DIAPH3: variants seen among roughly 807,000 people sequenced by gnomAD.
DIAPH3 encodes the protein protein diaphanous homolog 3.
Under a neutral mutation model 144.3 loss-of-function variants are expected in DIAPH3, and 117 were observed. The ratio of observed to expected loss-of-function variants is 0.81; its 90% CI spans 0.70 to 0.95. The LOEUF is 0.95. DIAPH3 is among the 40% of genes least tolerant of loss of function. The pLI, the probability that DIAPH3 is intolerant of heterozygous loss-of-function variation, is 0.00. For synonymous variants in DIAPH3, 519 were observed against 488.9 expected (o/e 1.06, Z -0.81); for missense variants, 1,421 against 1,412.7 (o/e 1.01, Z -0.09).
rs189963010 is a variant in DIAPH3, at chr13:59,714,188, G to A, written c.3320-47342C>T. 1.2e-3 allele frequency among the ~76,000 whole-genome samples: 182 copies of A among 151,602 alleles called. 2 individuals carry two copies. Among genetic ancestry groups the A allele is most frequent in the Non-Finnish European group, 2.0e-3 (138 of 67,882 alleles). Reference sequence around the variant, plus strand: ...ATCCCGGCTAACACGGTGAAACCCCGTCTCTACTAAAAATACAAAAAATTA... The same window carrying A: ...ATCCCGGCTAACACGGTGAAACCCCATCTCTACTAAAAATACAAAAAATTA... On this transcript the variant is annotated intron_variant, in intron 27 of 27. Transcript: ENST00000400324.
At chr13:59,743,572 G>A (rs888189762) in intron 27 of DIAPH3, among the ~76,000 whole-genome samples, 1 of 152,120 alleles carries the variant, frequency 6.6e-6, no homozygotes, top group African/African-American at 2.4e-5. Flanking sequence ...GAACGGCCAA[G>A]AAAAGTGCAA....
intron 25 of DIAPH3, among the ~76,000 whole-genome samples, chr13:59,807,765 G>T (rs759740242): frequency 6.6e-6 from 1 of 151,848 alleles, no homozygotes; most frequent in Non-Finnish European, 1.5e-5. Flanking sequence ...AATCCAATAG[G>T]TCAAATAAGA....
At chr13:60,077,437 A>G (rs1756626882) in intron 4 of DIAPH3, among the ~76,000 whole-genome samples, 1 of 152,108 alleles carries the variant, frequency 6.6e-6, no homozygotes, top group African/African-American at 2.4e-5. Context: ...AGATAATATG[A>G]GCCTCCCAGT....
chr13:60,138,771 GAGAAGGAGA>G (rs796491502), intron 1 of DIAPH3, among the ~76,000 whole-genome samples: 3 of 90,632 alleles, frequency 3.3e-5, no homozygotes, highest in Admixed American at 1.7e-4. Context: ...GAAGGAGAAG[GAGAAGGAGA>G]AGAAGGGGAA....
At chr13:59,876,804 A>G (rs2044658024) in intron 21 of DIAPH3, among the ~76,000 whole-genome samples, 1 of 152,152 alleles carries the variant, frequency 6.6e-6, no homozygotes, top group African/African-American at 2.4e-5. Context: ...TTGCACGAGG[A>G]AACAGACTGT....
rs1422601195 is a variant in DIAPH3 at position 60,105,109 on chromosome 13, A to AAACAAAAAAC, written c.390+6900_390+6901insGTTTTTTGTT. On this transcript the variant is annotated intron_variant, in intron 3 of 27. Coordinates refer to ENST00000400324, the MANE Select transcript of DIAPH3 (RefSeq NM_001042517.2). The stretch of plus-strand genomic sequence containing the variant: ...AGTGAGACACGATCTCAAAAAAAAA[A>AAACAAAAAAC]AAAAAAAAAAAAAAAACTGCCAGTG... 8.9e-5 allele frequency among the ~76,000 whole-genome samples: 11 copies of AAACAAAAAAC among 124,180 alleles called. 1 individual carries two copies. Among genetic ancestry groups the AAACAAAAAAC allele is most frequent in the African/African-American group, 3.5e-4 (11 of 31,372 alleles). The allele number at this position is 124,180 out of a possible 152,430, so 81.5% of individuals were successfully genotyped here. A position where few individuals can be genotyped will look rare whatever the true frequency, so the allele number is the denominator to read the frequency against.
chr13:60,028,404 G>A (rs139326246), intron 5 of DIAPH3, among the ~76,000 whole-genome samples: 220 of 151,906 alleles, frequency 1.4e-3, no homozygotes, highest in African/African-American at 4.9e-3. Flanking sequence ...ATAGCAGCAC[G>A]CTATGCAGTT....
At chr13:59,987,511 CAA>C (rs34211050) in intron 12 of DIAPH3, among the ~76,000 whole-genome samples, 34 of 127,698 alleles carry the variant, frequency 2.7e-4, no homozygotes, top group South Asian at 5.1e-4. Context: ...AAGACCAAAC[CAA>C]AAAAAAAAAA....
At chr13:60,008,341 A>G (rs1446739434) in intron 9 of DIAPH3, among the ~76,000 whole-genome samples, 1 of 152,184 alleles carries the variant, frequency 6.6e-6, no homozygotes, top group Non-Finnish European at 1.5e-5. Flanking sequence ...GCTTTCAGTG[A>G]GCTGAGAACG....
intron 4 of DIAPH3, among the ~76,000 whole-genome samples, chr13:60,085,469 A>G (rs2057716628): frequency 6.6e-6 from 1 of 152,128 alleles, no homozygotes; most frequent in Admixed American, 6.5e-5. Flanking sequence ...GCTGTATCCT[A>G]GAATCACCAG....
intron 9 of DIAPH3, among the ~76,000 whole-genome samples, chr13:60,003,545 CTATA>C (rs1274343233): frequency 1.3e-5 from 2 of 149,256 alleles, no homozygotes; most frequent in African/African-American, 2.5e-5. Context: ...ATCTATCTAT[CTATA>C]TATAGATAGA....
intron 20 of DIAPH3, among the ~76,000 whole-genome samples, chr13:59,897,534 G>A (rs1314428658): frequency 3.3e-5 from 5 of 151,912 alleles, no homozygotes; most frequent in Non-Finnish European, 2.9e-5. Context: ...CGGATCACAA[G>A]GTCAGGAGTT....
At chr13:59,687,519 T>C (rs927897656) in intron 27 of DIAPH3, among the ~76,000 whole-genome samples, 29 of 152,070 alleles carry the variant, frequency 1.9e-4, no homozygotes, top group African/African-American at 6.8e-4. Flanking sequence ...TTGGAATTTA[T>C]AGGAAGAAAG....
At chr13:59,700,109 C>T (rs1447602536) in intron 27 of DIAPH3, among the ~76,000 whole-genome samples, 1 of 152,200 alleles carries the variant, frequency 6.6e-6, no homozygotes, top group Non-Finnish European at 1.5e-5. Flanking sequence ...CTTCTCTTTA[C>T]ATTCCCCATT....
At chr13:59,963,098 C>T (rs2049854011) in intron 17 of DIAPH3, among the ~76,000 whole-genome samples, 1 of 152,082 alleles carries the variant, frequency 6.6e-6, no homozygotes, top group Non-Finnish European at 1.5e-5. Flanking sequence ...GATTTTGAAA[C>T]ATCCATTCTT....
chr13:59,696,012 AAAC>A (rs1199738992), intron 27 of DIAPH3: 4 of 152,346 alleles, frequency 2.6e-5, no homozygotes, highest in African/African-American at 9.6e-5. Context: ...AAACAAAGGA[AAAC>A]AACAACTTAC....
At position 60,016,243 on chromosome 13, in the gene DIAPH3, A is replaced by C. The variant is rs1213589452; in HGVS notation, c.627-98T>G. On this transcript the variant is annotated intron_variant, in intron 5 of 27. Coordinates refer to ENST00000400324, the MANE Select transcript of DIAPH3 (RefSeq NM_001042517.2). Reference sequence around the variant, plus strand: ...GTATTTTATATTTGCTATATTCCTAATCGTAACTAAAACATAAGAATAACA... The same window carrying C: ...GTATTTTATATTTGCTATATTCCTACTCGTAACTAAAACATAAGAATAACA... 6 of 1,074,806 alleles carry C rather than the reference A, an allele frequency of 5.6e-6. No individual in the cohort carries two copies. The African/African-American group carries it at 6.3e-5, about 11-fold the overall frequency. 66.6% of individuals were successfully genotyped at this position (1,074,806 alleles called of 1,614,324 possible).
At chr13:59,935,171 C>T (rs887832838) in intron 17 of DIAPH3, among the ~76,000 whole-genome samples, 1 of 152,156 alleles carries the variant, frequency 6.6e-6, no homozygotes, top group African/African-American at 2.4e-5. Flanking sequence ...AGAAGCAAAG[C>T]CTGTGGATAT....
At chr13:60,074,747 A>C (rs2057322246) in intron 4 of DIAPH3, among the ~76,000 whole-genome samples, 1 of 152,204 alleles carries the variant, frequency 6.6e-6, no homozygotes, top group Non-Finnish European at 1.5e-5. Flanking sequence ...TTTAAACAAA[A>C]ATTGGTTCAT....
Sources: gnomAD v4.1 joint callset for allele counts (sites outside exome capture counted in the v4.1 genomes callset) on GRCh38, gnomAD v4.1.1 for gene constraint, MANE v1.5 for transcripts, NCBI Gene and HGNC (gene_info 2026-07-23, HGNC 2026-07-21) for gene names.